The following PNLIPRP3 variants were observed in gnomAD, a reference collection of about 807,000 sequenced individuals.
PNLIPRP3 encodes pancreatic lipase-related protein 3.
PNLIPRP3 carries 58 observed loss-of-function variants against 52.8 expected under a neutral mutation model. The observed-to-expected ratio is 1.10, with a 90% CI of 0.89 to 1.37. The LOEUF (loss-of-function observed/expected upper bound fraction) is 1.37, where lower values mean the gene tolerates loss of function less well. PNLIPRP3 is among the 40% of genes most tolerant of loss of function. The pLI is 0.00. For synonymous variants in PNLIPRP3, 192 were observed against 185.0 expected (o/e 1.04, Z -0.31); for missense variants, 593 against 561.6 (o/e 1.06, Z -0.57).
chr10:116,462,782 T>A (rs745781106), intron 7 of PNLIPRP3, among the ~76,000 whole-genome samples: 10 of 152,192 alleles, frequency 6.6e-5, no homozygotes, highest in Non-Finnish European at 1.3e-4. Context: ...AATTAATTGT[T>A]ATACACAGAT....
chr10:116,459,691 T>C (rs1846163332), intron 5 of PNLIPRP3, among the ~76,000 whole-genome samples: 1 of 152,180 alleles, frequency 6.6e-6, no homozygotes, highest in Admixed American at 6.5e-5. Flanking sequence ...TACTTCTCTG[T>C]CCTCCCCTGG....
rs984699173 is a variant in PNLIPRP3, at chr10:116,442,980, C to T, written c.205-75C>T. The T allele has an allele frequency of 9.2e-6, 11 of 1,200,818 alleles. No homozygotes were observed. In the African/African-American group the frequency reaches 1.6e-4, roughly 17 times the overall value. The allele number at this position is 1,200,818 out of a possible 1,614,324, so 74.4% of individuals were successfully genotyped here. A position where few individuals can be genotyped will look rare whatever the true frequency, so the allele number is the denominator to read the frequency against. ...AATTTAGTGAAAGGCTTTCGAGCAG[C>T]TTTAGAATAGGTCTACTAACTATTA... On this transcript the variant is annotated intron_variant, in intron 2 of 11. Transcript: ENST00000369230.
In PNLIPRP3 at chr10:116,427,998, A is replaced by T. The variant is rs747448226; in HGVS notation, c.-15A>T. 6.2e-7 allele frequency: 1 copy of T among 1,601,368 alleles called. No homozygotes were observed. Among genetic ancestry groups the T allele is most frequent in the Non-Finnish European group, 8.5e-7 (1 of 1,170,072 alleles). ...CTTCAAGAAGATTTTTATGTGATTT[A>T]AAAAATCAGCTTAGATGCTTGGAAT... On this transcript the variant is annotated 5_prime_UTR_variant, in exon 1 of 12. Coordinates refer to ENST00000369230, the MANE Select transcript of PNLIPRP3 (RefSeq NM_001011709.3).
intron 9 of PNLIPRP3, among the ~76,000 whole-genome samples, chr10:116,471,352 A>G (rs1202624081): frequency 5.9e-5 from 9 of 152,152 alleles, no homozygotes; most frequent in Admixed American, 3.9e-4. Context: ...TTCTTGCCCA[A>G]TTGGTTTCCT....
intron 8 of PNLIPRP3, among the ~76,000 whole-genome samples, chr10:116,467,809 T>C (rs557732187): frequency 6.6e-6 from 1 of 152,260 alleles, no homozygotes; most frequent in African/African-American, 2.4e-5. Flanking sequence ...TGTGAGTTTT[T>C]ATTGTTTCCA....
intron 5 of PNLIPRP3, 104 bp from the exon 6 acceptor site, chr10:116,460,862 T>C (rs1159342810): frequency 1.4e-6 from 2 of 1,456,860 alleles, no homozygotes; most frequent in African/African-American, 2.8e-5. Flanking sequence ...TCCTGAGTGA[T>C]CTTTGATTGA....
rs115553179 is a variant in PNLIPRP3, at chr10:116,464,646, G to A, written c.809-1404G>A. Among the ~76,000 whole-genome samples the A allele has an allele frequency of 2.1e-3, 314 of 152,328 alleles. 2 individuals carry two copies. Among genetic ancestry groups the A allele is most frequent in the African/African-American group, 7.3e-3 (305 of 41,578 alleles). On this transcript the variant is annotated intron_variant, in intron 7 of 11. Coordinates refer to ENST00000369230, the MANE Select transcript of PNLIPRP3 (RefSeq NM_001011709.3). ...CCTTGGGCACCAGCTTCTGAACGAG[G>A]GAAATGTGGTGGTGCCAAAAAAACT...
intron 8 of PNLIPRP3, 75 bp downstream of exon 8, chr10:116,466,243 G>A: frequency 8.8e-7 from 1 of 1,131,210 alleles, no homozygotes. Flanking sequence ...TAAACATTAG[G>A]GCTTTGTGTA....
At chr10:116,459,288 A>C (rs1303797744) in intron 5 of PNLIPRP3, among the ~76,000 whole-genome samples, 1 of 151,930 alleles carries the variant, frequency 6.6e-6, no homozygotes, top group Admixed American at 6.6e-5. Flanking sequence ...AAATAAAAAA[A>C]AAAAAAAACA....
chr10:116,465,460 C>G (rs940082790), intron 7 of PNLIPRP3, among the ~76,000 whole-genome samples: 2 of 151,670 alleles, frequency 1.3e-5, no homozygotes, highest in African/African-American at 4.8e-5. Flanking sequence ...GCGTGAACCC[C>G]GGAGGTGGAG....
Position 116,436,832 on chromosome 10 carries a change from G to T in PNLIPRP3, c.171G>T (p.Leu57=), listed in dbSNP as rs999014554. The change falls in exon 2 of 12, where the codon CTG becomes CTT. Residue 57 remains leucine, a synonymous_variant. Transcript: ENST00000369230. ...CAGAGAAGATAAACACTCGTTTCCT[G>T]CTCTACACTATACACAATCCCAATG... ...WSPEKINTRF[L]LYTIHNPNAY... 6.2e-7 allele frequency: 1 copy of T among 1,612,758 alleles called. No individual in the cohort carries two copies. Among genetic ancestry groups the T allele is most frequent in the African/African-American group, 1.3e-5 (1 of 74,860 alleles).
intron 10 of PNLIPRP3, 136 bp from the exon 11 acceptor site, chr10:116,476,516 G>A (rs1846468577): frequency 1.6e-6 from 1 of 624,520 alleles, no homozygotes. Context: ...CAATACACAT[G>A]GAAAGAATAA....
At chr10:116,443,797 GTGTGCATATATATATATA>G (rs1401402330) in intron 3 of PNLIPRP3, among the ~76,000 whole-genome samples, 11,508 of 119,872 alleles carry the variant, frequency 0.096, 1,039 homozygotes, top group Middle Eastern at 0.14. Context: ...ATGTATGTGT[GTGTGCATATATATATATA>G]TATATATATA....
chr10:116,460,864 TTTGATTGATAGAAATAATGTAG>T lies in PNLIPRP3; in HGVS notation c.566-101_566-80del, dbSNP rs1471254323. 3 of 1,470,030 alleles carry T rather than the reference TTTGATTGATAGAAATAATGTAG, an allele frequency of 2.0e-6. No individual in the cohort carries two copies. The African/African-American group carries it at 4.2e-5, about 21-fold the overall frequency. The allele number at this position is 1,470,030 out of a possible 1,614,324, so 91.1% of individuals were successfully genotyped here. On this transcript the variant is annotated intron_variant, in intron 5 of 11. Transcript: ENST00000369230. The stretch of plus-strand genomic sequence containing the variant: ...TATCTGTACTTTTTCCTGAGTGATC[TTTGATTGATAGAAATAATGTAG>T]GAAAGGACACATGCTTCCAAAGTAA...
intron 7 of PNLIPRP3, among the ~76,000 whole-genome samples, chr10:116,463,233 C>A (rs927804807): frequency 2.6e-5 from 4 of 151,984 alleles, no homozygotes; most frequent in Non-Finnish European, 4.4e-5. Context: ...TATTGCCCAG[C>A]GTTCTGAGGG....
rs568576537 is a variant in PNLIPRP3, at chr10:116,461,247, A to G, written c.765A>G (p.Leu255=). The part of the protein sequence containing the change: ...GGKHMPGCED[L]ITPLLKFNFN... ...AGCACATGCCAGGATGTGAAGACTT[A>G]ATTACACCTTTACTGAAATTTAACT... The change falls in exon 7 of 12, where the codon TTA becomes TTG. Residue 255 remains leucine (L), a synonymous_variant. Coordinates refer to ENST00000369230, the MANE Select transcript of PNLIPRP3 (RefSeq NM_001011709.3). 30 of 1,613,460 alleles carry G rather than the reference A, an allele frequency of 1.9e-5. No individual in the cohort carries two copies. In the African/African-American group the frequency reaches 2.0e-4, roughly 11 times the overall value.
chr10:116,448,075 G>C (rs1845981422), intron 4 of PNLIPRP3, among the ~76,000 whole-genome samples: 2 of 151,934 alleles, frequency 1.3e-5, no homozygotes, highest in Admixed American at 6.6e-5. Context: ...CAGAAAGAAA[G>C]AGGGAAAGTA....
intron 8 of PNLIPRP3, among the ~76,000 whole-genome samples, chr10:116,468,239 A>T (rs1256215047): frequency 6.6e-6 from 1 of 151,808 alleles, no homozygotes; most frequent in Non-Finnish European, 1.5e-5. Flanking sequence ...AAGTGAAATT[A>T]TCAAAGCATA....
chr10:116,460,825 A>G (rs1345371969), intron 5 of PNLIPRP3, 141 bp from the exon 6 acceptor site: 3 of 1,136,006 alleles, frequency 2.6e-6, no homozygotes, highest in Non-Finnish European at 3.7e-6. Flanking sequence ...CTACATTTAT[A>G]GATTTAGGTT....
Sources: allele counts gnomAD v4.1 joint callset (sites outside exome capture counted in the v4.1 genomes callset), GRCh38; gene constraint gnomAD v4.1.1; transcripts MANE v1.5; gene names NCBI Gene and HGNC (gene_info 2026-07-23, HGNC 2026-07-21).